BMAL2: variants seen among roughly 807,000 people sequenced by gnomAD.
The protein encoded by BMAL2 is basic helix-loop-helix ARNT-like protein 2.
At chr12:27,402,376 T>C in the BMAL2 span, among the ~76,000 whole-genome samples, 1 of 152,198 alleles carries the variant, frequency 6.6e-6, no homozygotes, top group Admixed American at 6.5e-5. Flanking sequence ...TTATTATTAG[T>C]ACAGGAACTG....
chr12:27,352,890 C>T, the BMAL2 span, among the ~76,000 whole-genome samples: 5 of 152,148 alleles, frequency 3.3e-5, no homozygotes, highest in African/African-American at 9.6e-5. Context: ...AACATCTGTA[C>T]AAAGAGAATG....
the BMAL2 span, among the ~76,000 whole-genome samples, chr12:27,378,723 T>C: frequency 2.0e-5 from 3 of 152,198 alleles, no homozygotes; most frequent in African/African-American, 7.2e-5. Context: ...TTTGTTTTAC[T>C]ACATAATTTT....
chr12:27,421,216 C>T, the BMAL2 span: 1 of 152,080 alleles, frequency 6.6e-6, no homozygotes, highest in African/African-American at 2.4e-5. Context: ...GGATCTTGGG[C>T]CCTAGATCTT....
At chr12:27,416,876 T>C in the BMAL2 span, among the ~76,000 whole-genome samples, 1 of 152,160 alleles carries the variant, frequency 6.6e-6, no homozygotes, top group Non-Finnish European at 1.5e-5. Flanking sequence ...GTCAGGAGGA[T>C]CACTTGAGCC....
chr12:27,377,114 G>A, the BMAL2 span, among the ~76,000 whole-genome samples: 2 of 150,010 alleles, frequency 1.3e-5, no homozygotes, highest in Non-Finnish European at 3.0e-5. Flanking sequence ...TGGCAACATC[G>A]CCTATCAGAG....
At chr12:27,373,392 C>T in the BMAL2 span, among the ~76,000 whole-genome samples, 24 of 152,274 alleles carry the variant, frequency 1.6e-4, no homozygotes, top group African/African-American at 5.8e-4. Context: ...ATAGAACCTT[C>T]AAACAGGAAG....
the BMAL2 span, among the ~76,000 whole-genome samples, chr12:27,407,726 C>T: frequency 1.6e-4 from 25 of 152,088 alleles, 1 homozygote; most frequent in Non-Finnish European, 2.9e-5. Context: ...TAGCAGAAGA[C>T]AAGAAATAAC....
the BMAL2 span, among the ~76,000 whole-genome samples, chr12:27,404,865 A>C: frequency 6.6e-6 from 1 of 152,206 alleles, no homozygotes; most frequent in Non-Finnish European, 1.5e-5. Context: ...AAGGGGTGAC[A>C]GATGGGCACC....
chr12:27,342,309 C>A, the BMAL2 span, among the ~76,000 whole-genome samples: 2 of 152,178 alleles, frequency 1.3e-5, no homozygotes, highest in African/African-American at 4.8e-5. Context: ...AACAGAAACT[C>A]TATATATCAA....
the BMAL2 span, among the ~76,000 whole-genome samples, chr12:27,378,124 A>G: frequency 6.6e-6 from 1 of 152,244 alleles, no homozygotes; most frequent in African/African-American, 2.4e-5. Context: ...GATTTACAGC[A>G]AAGTGTGACA....
At chr12:27,380,399 T>C in the BMAL2 span, 2 of 1,614,008 alleles carry the variant, frequency 1.2e-6, no homozygotes, top group Non-Finnish European at 1.7e-6. Context: ...TTGAGATCTT[T>C]AAAAGGTGAG....
the BMAL2 span, among the ~76,000 whole-genome samples, chr12:27,402,110 G>A: frequency 1.3e-5 from 2 of 152,142 alleles, no homozygotes; most frequent in African/African-American, 2.4e-5. Flanking sequence ...TCCAGCCCAG[G>A]TGTTGCTTTA....
chr12:27,393,548 T>A, the BMAL2 span, among the ~76,000 whole-genome samples: 4 of 152,220 alleles, frequency 2.6e-5, no homozygotes, highest in African/African-American at 9.6e-5. Context: ...ACAGCAGTGC[T>A]CAAGCCTAGG....
the BMAL2 span, chr12:27,368,264 A>C: frequency 5.0e-6 from 8 of 1,614,136 alleles, no homozygotes; most frequent in East Asian, 1.8e-4. Context: ...GCCCATAGGT[A>C]AAGTGTTGAG....
chr12:27,376,303 AG>A, the BMAL2 span: 4 of 1,519,416 alleles, frequency 2.6e-6, no homozygotes, highest in African/African-American at 5.5e-5. Context: ...ACTACAGAAA[AG>A]GTACTTCATG....
chr12:27,371,731 CAT>C, the BMAL2 span, among the ~76,000 whole-genome samples: 12,984 of 55,356 alleles, frequency 0.23, 815 homozygotes, highest in East Asian at 0.54. Flanking sequence ...CACACACACA[CAT>C]ATATATATAA....
the BMAL2 span, among the ~76,000 whole-genome samples, chr12:27,355,592 C>T: frequency 6.6e-6 from 1 of 152,258 alleles, no homozygotes; most frequent in East Asian, 1.9e-4. Context: ...TTTATCCTTT[C>T]GAACTTCTAC....
At chr12:27,359,899 A>G in the BMAL2 span, among the ~76,000 whole-genome samples, 1 of 151,368 alleles carries the variant, frequency 6.6e-6, no homozygotes, top group Admixed American at 6.6e-5. Context: ...AATAAATTCA[A>G]GCAAATTAGC....
the BMAL2 span, among the ~76,000 whole-genome samples, chr12:27,345,927 G>C: frequency 6.6e-6 from 1 of 152,118 alleles, no homozygotes; most frequent in Non-Finnish European, 1.5e-5. Context: ...AGCAAGACTA[G>C]TTTATTTTTC....
Sources: allele counts gnomAD v4.1 joint callset (sites outside exome capture counted in the v4.1 genomes callset), GRCh38; gene constraint gnomAD v4.1.1; transcripts MANE v1.5; gene names NCBI Gene and HGNC (gene_info 2026-07-23, HGNC 2026-07-21).